The following RELL1 variants were observed in gnomAD, a reference collection of about 807,000 sequenced individuals.
The protein encoded by RELL1 is RELT-like protein 1.
RELL1 carries 10 observed loss-of-function variants against 23.0 expected under a neutral mutation model. The ratio of observed to expected loss-of-function variants is 0.43; its 90% CI spans 0.27 to 0.74. The LOEUF is 0.74. Among genes scored for constraint, RELL1 ranks in the 30% least tolerant of loss-of-function variants. The pLI is 0.19. For synonymous variants in RELL1, 146 were observed against 146.8 expected, an observed-to-expected ratio of 0.99 and a Z score of 0.04; for missense variants, 315 against 364.4, an observed-to-expected ratio of 0.86 and a Z score of 1.10.
intron 5 of RELL1, among the ~76,000 whole-genome samples, chr4:37,632,278 T>C (rs1285232955): frequency 6.6e-6 from 1 of 151,808 alleles, no homozygotes; most frequent in Non-Finnish European, 1.5e-5. Context: ...TTTAAGCGAC[T>C]CTCCTGCCTC....
At chr4:37,619,660 T>C (rs1719703427) in intron 6 of RELL1, among the ~76,000 whole-genome samples, 1 of 151,882 alleles carries the variant, frequency 6.6e-6, no homozygotes. Flanking sequence ...CTCCAACTAC[T>C]GAGCTCAAGA....
At chr4:37,658,487 GT>G (rs1721207276) in intron 1 of RELL1, among the ~76,000 whole-genome samples, 1 of 152,116 alleles carries the variant, frequency 6.6e-6, no homozygotes, top group African/African-American at 2.4e-5. Context: ...CTATAAAATG[GT>G]TACCAGTGTT....
intron 6 of RELL1, among the ~76,000 whole-genome samples, chr4:37,597,852 A>C (rs1201287318): frequency 7.9e-5 from 12 of 151,896 alleles, no homozygotes; most frequent in Non-Finnish European, 1.5e-4. Context: ...GGAGTTCAAG[A>C]CCAGCCGGGC....
At chr4:37,626,049 C>A (rs1387451545) in intron 6 of RELL1, among the ~76,000 whole-genome samples, 2 of 151,904 alleles carry the variant, frequency 1.3e-5, no homozygotes, top group African/African-American at 4.8e-5. Context: ...TGAGATAATA[C>A]CTCACACCTG....
rs1577589161 is a variant in RELL1 at position 37,649,558 on chromosome 4, A to G, written c.89-58T>C. 9.6e-6 allele frequency: 14 copies of G among 1,456,054 alleles called. No individual in the cohort carries two copies. In the East Asian group the frequency reaches 2.7e-4, roughly 28 times the overall value. The allele number at this position is 1,456,054 out of a possible 1,614,324, so 90.2% of individuals were successfully genotyped here. A position where few individuals can be genotyped will look rare whatever the true frequency, so the allele number is the denominator to read the frequency against. On this transcript the variant is annotated intron_variant, in intron 1 of 6. Coordinates refer to ENST00000454158, the MANE Select transcript of RELL1 (RefSeq NM_001085400.2). ...ATCTGTCCAGGGCAAGAAAAACCTA[A>G]TGACTCTCAGGTAATGTTCACAGTA...
downstream of RELL1, chr4:37,590,661 T>C: frequency 6.2e-7 from 1 of 1,614,104 alleles, no homozygotes; most frequent in Non-Finnish European, 8.5e-7. Context: ...TTGATCATAA[T>C]GAAAAGGACT....
At chr4:37,630,599 T>C (rs1720097891) in intron 6 of RELL1, among the ~76,000 whole-genome samples, 1 of 152,016 alleles carries the variant, frequency 6.6e-6, no homozygotes, top group South Asian at 2.1e-4. Flanking sequence ...TCTCCTGACC[T>C]CATGATCCGC....
At chr4:37,648,823 T>C (rs1242850654) in intron 2 of RELL1, among the ~76,000 whole-genome samples, 2 of 152,232 alleles carry the variant, frequency 1.3e-5, no homozygotes, top group African/African-American at 4.8e-5. Flanking sequence ...TCACTCTTAT[T>C]CGAATCTGAT....
chr4:37,627,574 A>G (rs1347680342), intron 6 of RELL1, among the ~76,000 whole-genome samples: 1 of 152,194 alleles, frequency 6.6e-6, no homozygotes, highest in Non-Finnish European at 1.5e-5. Context: ...CATGCCCAAC[A>G]TCAGATTTGG....
chr4:37,595,955 C>T (rs1718826422), intron 6 of RELL1, among the ~76,000 whole-genome samples: 1 of 152,146 alleles, frequency 6.6e-6, no homozygotes, highest in African/African-American at 2.4e-5. Flanking sequence ...CGTGTAATGA[C>T]ATCCAGATCT....
chr4:37,645,574 T>C (rs910763898), intron 3 of RELL1, among the ~76,000 whole-genome samples: 5 of 152,130 alleles, frequency 3.3e-5, no homozygotes, highest in East Asian at 1.9e-4. Flanking sequence ...ACTGCAGAAA[T>C]TGACAACTGC....
At chr4:37,676,991 C>G (rs1722042544) in intron 1 of RELL1, among the ~76,000 whole-genome samples, 1 of 152,218 alleles carries the variant, frequency 6.6e-6, no homozygotes, top group Non-Finnish European at 1.5e-5. Flanking sequence ...CCACTCCTGA[C>G]TCCTACAGGA....
At chr4:37,646,021 C>T (rs149314948) in intron 3 of RELL1, among the ~76,000 whole-genome samples, 1 of 152,308 alleles carries the variant, frequency 6.6e-6, no homozygotes, top group African/African-American at 2.4e-5. Flanking sequence ...TGTATTTCAA[C>T]CTTTAGACAA....
intron 1 of RELL1, 26 bp downstream of exon 1, chr4:37,686,174 C>T: frequency 6.4e-7 from 1 of 1,551,500 alleles, no homozygotes; most frequent in African/African-American, 1.4e-5. Flanking sequence ...CAGCACCCGG[C>T]GCCCCGGCTA....
chr4:37,598,296 G>C (rs1302271093), intron 6 of RELL1, among the ~76,000 whole-genome samples: 1 of 64,896 alleles, frequency 1.5e-5, no homozygotes, highest in African/African-American at 5.6e-5. Flanking sequence ...TTTATAGGAA[G>C]AAAATATATA....
chr4:37,603,938 C>G lies in RELL1; in HGVS notation c.*4-12721G>C, dbSNP rs1719083252. Among the ~76,000 whole-genome samples, 3 of 152,294 alleles carry G rather than the reference C, an allele frequency of 2.0e-5. No homozygotes were observed. The South Asian group carries it at 6.2e-4, about 32-fold the overall frequency. The stretch of plus-strand genomic sequence containing the variant: ...GGCTTAAGCAATCCTCCCATCTGAG[C>G]CTCCCAAGTAGCTGGGACTGCAGGC... On this transcript the variant is annotated intron_variant, in intron 6 of 6. Coordinates refer to the RELL1 transcript ENST00000314117.
downstream of RELL1, chr4:37,590,087 G>C (rs756817132): frequency 6.2e-7 from 1 of 1,607,528 alleles, no homozygotes; most frequent in Admixed American, 1.7e-5. Flanking sequence ...CTTTCCTGAA[G>C]CTATCTCTTT....
At chr4:37,627,803 A>C (rs1720001449) in intron 6 of RELL1, among the ~76,000 whole-genome samples, 1 of 152,234 alleles carries the variant, frequency 6.6e-6, no homozygotes, top group Non-Finnish European at 1.5e-5. Context: ...TGTTTGGCTA[A>C]AAATCCAAAT....
intron 6 of RELL1, among the ~76,000 whole-genome samples, chr4:37,596,738 T>TATATATATATATATA (rs61256232): frequency 2.2e-4 from 4 of 18,524 alleles, no homozygotes; most frequent in African/African-American, 4.0e-4. Flanking sequence ...ATATATATAT[T>TATATATATATATATA]TTTTTTTTTT....
Sources: gnomAD v4.1 joint callset for allele counts (sites outside exome capture counted in the v4.1 genomes callset) on GRCh38, gnomAD v4.1.1 for gene constraint, MANE v1.5 for transcripts, NCBI Gene and HGNC (gene_info 2026-07-23, HGNC 2026-07-21) for gene names.